Variants in KANK1 observed in about 807,000 individuals in gnomAD.
KANK1 encodes KN motif and ankyrin repeat domains 1.
KANK1 carries 109 observed loss-of-function variants against 106.2 expected under a neutral mutation model. The observed-to-expected ratio is 1.03, with a 90% confidence interval of 0.88 to 1.20. KANK1 has a LOEUF of 1.20. Ranked by LOEUF, KANK1 falls within the 50% of genes most tolerant of loss-of-function variation. The pLI, the probability that KANK1 is intolerant of heterozygous loss-of-function variation, is 0.00. For missense variants in KANK1, 2,399 were observed against 1,710.7 expected (o/e 1.40, Z -7.10); for synonymous variants, 873 against 652.2 (o/e 1.34, Z -5.16).
At chr9:509,185 C>A (rs1474839218) in intron 1 of KANK1, among the ~76,000 whole-genome samples, 2 of 152,144 alleles carry the variant, frequency 1.3e-5, no homozygotes, top group African/African-American at 4.8e-5. Flanking sequence ...GGAACCTCTG[C>A]CTCCTGAGTT....
chr9:693,732 C>T, intron 2 of KANK1: 1 of 985,282 alleles, frequency 1.0e-6, no homozygotes, highest in African/African-American at 1.7e-5. Flanking sequence ...GGGAAGTTTG[C>T]CTGAGACCTG....
At chr9:634,052 G>T (rs1449616266) in intron 1 of KANK1, among the ~76,000 whole-genome samples, 2 of 152,182 alleles carry the variant, frequency 1.3e-5, no homozygotes, top group Admixed American at 1.3e-4. Context: ...GAACTTCTGG[G>T]GTTAATTAAT....
intron 1 of KANK1, among the ~76,000 whole-genome samples, chr9:521,078 G>A (rs143859500): frequency 6.6e-6 from 1 of 151,814 alleles, no homozygotes; most frequent in East Asian, 1.9e-4. Flanking sequence ...TGAAACTGAT[G>A]AACTGTTGCT....
intron 11 of KANK1, chr9:744,845 G>A (rs1836779463): frequency 8.5e-6 from 12 of 1,418,050 alleles, no homozygotes; most frequent in East Asian, 2.6e-5. Flanking sequence ...TTGATTCTGT[G>A]CAGAATTATC....
chr9:702,379 C>A (rs1011216735), intron 2 of KANK1, among the ~76,000 whole-genome samples: 1 of 152,112 alleles, frequency 6.6e-6, no homozygotes, highest in East Asian at 1.9e-4. Context: ...TTTCTATGCA[C>A]CCCATCCCCA....
intron 1 of KANK1, among the ~76,000 whole-genome samples, chr9:671,666 GTC>G (rs75306629): frequency 0.7 from 101,401 of 144,506 alleles, 36,821 homozygotes; most frequent in East Asian, 0.9. Flanking sequence ...TTTCCTGTGT[GTC>G]TCATGTAAGT....
At chr9:561,435 C>G (rs1215821259) in intron 1 of KANK1, among the ~76,000 whole-genome samples, 1 of 152,154 alleles carries the variant, frequency 6.6e-6, no homozygotes, top group South Asian at 2.1e-4. Context: ...CTGACAGTTA[C>G]TTTGGTCATT....
intron 1 of KANK1, among the ~76,000 whole-genome samples, chr9:594,312 C>G (rs949186116): frequency 6.6e-6 from 1 of 151,896 alleles, no homozygotes; most frequent in African/African-American, 2.4e-5. Context: ...GAAAGGCTAA[C>G]TAGGGGGAAA....
At chr9:737,349 A>AGG (rs1834061646) in intron 7 of KANK1, among the ~76,000 whole-genome samples, 2 of 152,246 alleles carry the variant, frequency 1.3e-5, no homozygotes, top group Non-Finnish European at 2.9e-5. Context: ...CTACAGAAAG[A>AGG]GGACTTCTTG....
intron 3 of KANK1, among the ~76,000 whole-genome samples, chr9:729,672 C>T (rs1015851064): frequency 5.9e-5 from 9 of 152,088 alleles, no homozygotes; most frequent in African/African-American, 1.9e-4. Flanking sequence ...GCTTTTTAGG[C>T]GTTGTCACAT....
rs941618779 is a variant in KANK1 at position 590,815 on chromosome 9, A to T, written c.-84+86061A>T. On this transcript the variant is annotated intron_variant, in intron 1 of 11. Transcript: ENST00000382297. ...TGTATTTTAACAAATCTCACTTTGGACATATGCATTAATGTACATTCTTCT... is the reference window on the plus strand; with the variant it reads ...TGTATTTTAACAAATCTCACTTTGGTCATATGCATTAATGTACATTCTTCT... Among the ~76,000 whole-genome samples the T allele has an allele frequency of 1.8e-4, 27 of 151,856 alleles. 1 individual carries two copies. Among genetic ancestry groups the T allele is most frequent in the African/African-American group, 5.6e-4 (23 of 41,122 alleles).
chr9:683,415 T>C (rs527873974), intron 2 of KANK1, among the ~76,000 whole-genome samples: 1 of 152,288 alleles, frequency 6.6e-6, no homozygotes, highest in South Asian at 2.1e-4. Context: ...AGGTAAGAAC[T>C]AAAAGGGTGT....
At chr9:526,368 A>G (rs988318749) in intron 1 of KANK1, among the ~76,000 whole-genome samples, 14 of 151,628 alleles carry the variant, frequency 9.2e-5, no homozygotes, top group Admixed American at 1.3e-4. Flanking sequence ...CAGCACACAT[A>G]AGACCATCAT....
intron 3 of KANK1, among the ~76,000 whole-genome samples, chr9:720,301 A>G (rs1828954670): frequency 6.6e-6 from 1 of 152,342 alleles, no homozygotes; most frequent in South Asian, 2.1e-4. Context: ...TCTAGACCAG[A>G]GTGCCAGAAT....
At chr9:560,873 A>C (rs1192520246) in intron 1 of KANK1, among the ~76,000 whole-genome samples, 1 of 152,138 alleles carries the variant, frequency 6.6e-6, no homozygotes, top group South Asian at 2.1e-4. Flanking sequence ...GTCGGGGGAA[A>C]GTTGCATGTT....
chr9:712,898 C>G lies in KANK1; in HGVS notation c.2132C>G (p.Thr711Ser). The change falls in exon 3 of 12, where the codon ACT (threonine) becomes AGT (serine). Residue 711 changes from threonine to serine, a missense_variant. Transcript: ENST00000382297. ...STLDKQTSTQ[T>S]VETRTVAVGE... ...TTGGACAAGCAGACCAGCACCCAGACTGTGGAGACGCGGACAGTAGCTGTA... is the reference window on the plus strand; with the variant it reads ...TTGGACAAGCAGACCAGCACCCAGAGTGTGGAGACGCGGACAGTAGCTGTA... The G allele has an allele frequency of 6.2e-7, 1 of 1,614,086 alleles. No homozygotes were observed. Among genetic ancestry groups the G allele is most frequent in the South Asian group, 1.1e-5 (1 of 91,060 alleles).
intron 1 of KANK1, among the ~76,000 whole-genome samples, chr9:605,941 G>A (rs1397672733): frequency 6.6e-6 from 1 of 151,614 alleles, no homozygotes; most frequent in Non-Finnish European, 1.5e-5. Flanking sequence ...TTGTCAGGGG[G>A]CCCTGTGTTC....
chr9:495,405 G>T (rs1279367373), intron 3 of KANK1: 1 of 152,184 alleles, frequency 6.6e-6, no homozygotes, highest in Non-Finnish European at 1.5e-5. Flanking sequence ...CAGATCCTAT[G>T]AGCAGAGAGC....
At chr9:503,080 C>T (rs763979369), upstream of KANK1, among the ~76,000 whole-genome samples, 36 of 134,556 alleles carry the variant, frequency 2.7e-4, no homozygotes, top group Non-Finnish European at 4.6e-4. Context: ...GTCAACTGAT[C>T]TACCTGTCTC....
Sources: allele counts gnomAD v4.1 joint callset (sites outside exome capture counted in the v4.1 genomes callset), GRCh38; gene constraint gnomAD v4.1.1; transcripts MANE v1.5; gene names NCBI Gene and HGNC (gene_info 2026-07-23, HGNC 2026-07-21).